KRT222: variants seen among roughly 807,000 people sequenced by gnomAD.
KRT222 encodes the protein keratin 222.
A neutral mutation model predicts 35.0 loss-of-function variants in KRT222; 23 were observed. The ratio of observed to expected loss-of-function variants is 0.66; its 90% confidence interval spans 0.47 to 0.93. The LOEUF is 0.93. Among genes scored for constraint, KRT222 ranks in the 40% least tolerant of loss-of-function variants. The pLI is 0.00. For synonymous variants in KRT222, 108 were observed against 118.8 expected, an observed-to-expected ratio of 0.91 and a Z score of 0.59; for missense variants, 339 against 346.3, an observed-to-expected ratio of 0.98 and a Z score of 0.17.
intron 3 of KRT222, among the ~76,000 whole-genome samples, chr17:40,659,598 A>T (rs1597757318): frequency 6.6e-6 from 1 of 151,674 alleles, no homozygotes; most frequent in South Asian, 2.1e-4. Flanking sequence ...GAATTTTAAA[A>T]TTTTTTGTAC....
rs939435092 is a variant in KRT222 at position 40,656,307 on chromosome 17, T to C, written c.*95A>G. On this transcript the variant is annotated 3_prime_UTR_variant, in exon 6 of 6. Transcript: ENST00000394052. The stretch of plus-strand genomic sequence containing the variant: ...TATTGATCATAACATTTTCCATACA[T>C]ACGTAATAACTTACATTTTGGGACA... The C allele has an allele frequency of 2.5e-6, 2 of 784,416 alleles. No homozygotes were observed. Among genetic ancestry groups the C allele is most frequent in the African/African-American group, 3.4e-5 (2 of 58,426 alleles). The allele number at this position is 784,416 out of a possible 1,614,324, so 48.6% of individuals were successfully genotyped here. A position where few individuals can be genotyped will look rare whatever the true frequency, so the allele number is the denominator to read the frequency against.
Position 40,660,153 on chromosome 17 carries a change from G to A in KRT222, c.280C>T (p.Leu94=). ...TCAATCACAGTCTCTAGGTCTTGCAGCTGCATCTGGTAATGCTGCTCGCTG... is the reference window on the plus strand; with the variant it reads ...TCAATCACAGTCTCTAGGTCTTGCAACTGCATCTGGTAATGCTGCTCGCTG... ...HASEQHYQMQ[L]QDLETVIEGL... The change falls in exon 3 of 6, where the codon CTG becomes TTG. Residue 94 remains leucine, a synonymous_variant. Transcript: ENST00000394052. 1 of 1,614,094 alleles carries A rather than the reference G, an allele frequency of 6.2e-7. No homozygotes were observed. The highest frequency in any genetic ancestry group is 8.5e-7 in the Non-Finnish European group (1 of 1,180,014).
rs1278731295 is a variant in KRT222 at position 40,660,007 on chromosome 17, G to C, written c.426C>G (p.Leu142=). Residue 142 remains leucine, a synonymous_variant, in exon 3 of 6, where the codon CTC becomes CTG. Transcript: ENST00000394052. ...LEQEIATYRH[L]LEKEEIRYYG... ...GGTACCTGATTTCTTCTTTTTCTAG[G>C]AGGTGGCGATAAGTTGCTATTTCTT... The C allele has an allele frequency of 1.2e-6, 2 of 1,613,902 alleles. No homozygotes were observed. Among genetic ancestry groups the C allele is most frequent in the Non-Finnish European group, 1.7e-6 (2 of 1,179,996 alleles).
Position 40,660,739 on chromosome 17 carries a change from C to T in KRT222, c.226-532G>A, listed in dbSNP as rs148714759. Among the ~76,000 whole-genome samples the T allele has an allele frequency of 6.0e-3, 761 of 126,582 alleles. 2 individuals are homozygous for T. Among genetic ancestry groups the T allele is most frequent in the African/African-American group, 0.024 (728 of 30,964 alleles). 83.0% of individuals were successfully genotyped at this position (126,582 alleles called of 152,430 possible). A position where few individuals can be genotyped will look rare whatever the true frequency, so the allele number is the denominator to read the frequency against. The stretch of plus-strand genomic sequence containing the variant: ...AGATCTTACTCTATTTCAAAGACAT[C>T]CTGTGATAATTCTTACTGAAAAAAA... On this transcript the variant is annotated intron_variant, in intron 2 of 5. Transcript: ENST00000394052.
intron 1 of KRT222, chr17:40,664,792 TC>T: frequency 1.4e-6 from 1 of 721,578 alleles, no homozygotes; most frequent in Non-Finnish European, 2.1e-6. Flanking sequence ...ATCAAATGCA[TC>T]AATCAACACT....
At chr17:40,662,235 C>T (rs187124121) in intron 1 of KRT222, 191 bp from the exon 2 acceptor site, 18 of 541,760 alleles carry the variant, frequency 3.3e-5, no homozygotes, top group East Asian at 1.3e-4. Context: ...GTTCTTAGCC[C>T]GTTTTCTCCT....
chr17:40,663,990 T>A (rs1208632764), intron 1 of KRT222, among the ~76,000 whole-genome samples: 1 of 152,198 alleles, frequency 6.6e-6, no homozygotes, highest in Non-Finnish European at 1.5e-5. Flanking sequence ...TCATTCTTTA[T>A]GAAGGCTGAA....
intron 2 of KRT222, 77 bp from the exon 3 acceptor site, chr17:40,660,284 C>CTTTTTTT (rs35466162): frequency 2.4e-6 from 2 of 833,468 alleles, no homozygotes; most frequent in Non-Finnish European, 1.8e-6. Flanking sequence ...ATATCTTCAT[C>CTTTTTTT]TTTTTTTTTT....
Position 40,665,169 on chromosome 17 carries a change from G to A in KRT222, c.-70C>T, listed in dbSNP as rs1023695953. 7.0e-7 allele frequency: 1 copy of A among 1,435,276 alleles called. No individual in the cohort carries two copies. The highest frequency in any genetic ancestry group is 9.8e-7 in the Non-Finnish European group (1 of 1,022,412). The allele number at this position is 1,435,276 out of a possible 1,614,324, so 88.9% of individuals were successfully genotyped here. ...GATGAGTCGCTGCGGCAGTCTGCTCGGTCTGCGCGGAAGGCAGGGAGCCTC... is the reference window on the plus strand; with the variant it reads ...GATGAGTCGCTGCGGCAGTCTGCTCAGTCTGCGCGGAAGGCAGGGAGCCTC... On this transcript the variant is annotated 5_prime_UTR_variant, in exon 1 of 6. Coordinates refer to ENST00000394052, the MANE Select transcript of KRT222 (RefSeq NM_152349.3).
rs1218506926 is a variant in KRT222 at position 40,656,281 on chromosome 17, A to AAATGT, written c.*120_*121insACATT. 124 of 664,008 alleles carry AAATGT rather than the reference A, an allele frequency of 1.9e-4. No individual in the cohort carries two copies. The highest frequency in any genetic ancestry group is 1.7e-4 in the Non-Finnish European group (64 of 374,012). The allele number at this position is 664,008 out of a possible 1,614,324, so 41.1% of individuals were successfully genotyped here. A position where few individuals can be genotyped will look rare whatever the true frequency, so the allele number is the denominator to read the frequency against. On this transcript the variant is annotated 3_prime_UTR_variant, in exon 6 of 6. Transcript: ENST00000394052. The stretch of plus-strand genomic sequence containing the variant: ...GTTTTTTTCTTCTGAAGAGAACCAC[A>AAATGT]TATTGATCATAACATTTTCCATACA...
chr17:40,656,249 C>T lies in KRT222; in HGVS notation c.*153G>A. 2 of 573,066 alleles carry T rather than the reference C, an allele frequency of 3.5e-6. No homozygotes were observed. The highest frequency in any genetic ancestry group is 2.4e-5 in the South Asian group (1 of 40,848). 35.5% of individuals were successfully genotyped at this position (573,066 alleles called of 1,614,324 possible). ...CCATAATTAGATTCAGAGAAATGTC[C>T]TTTATTGTTTTTTTCTTCTGAAGAG... On this transcript the variant is annotated 3_prime_UTR_variant, in exon 6 of 6. Coordinates refer to ENST00000394052, the MANE Select transcript of KRT222 (RefSeq NM_152349.3).
intron 2 of KRT222, among the ~76,000 whole-genome samples, chr17:40,660,782 T>C (rs1403152706): frequency 1.3e-5 from 2 of 151,798 alleles, no homozygotes; most frequent in Non-Finnish European, 2.9e-5. Flanking sequence ...TGCAGTGTGA[T>C]TAACTTATTA....
At chr17:40,659,232 T>C (rs1259201169) in intron 3 of KRT222, among the ~76,000 whole-genome samples, 5 of 151,500 alleles carry the variant, frequency 3.3e-5, no homozygotes, top group Non-Finnish European at 5.9e-5. Context: ...CTCGGCTCAC[T>C]GCAACCTGCC....
intron 3 of KRT222, among the ~76,000 whole-genome samples, chr17:40,658,336 T>G (rs2037359372): frequency 6.6e-6 from 1 of 152,156 alleles, no homozygotes; most frequent in Admixed American, 6.6e-5. Flanking sequence ...ACCATTCATT[T>G]TATTTAACAA....
rs2037334388 is a variant in KRT222, at chr17:40,655,017, T to C, written c.*1385A>G. 9.2e-6 allele frequency: 1 copy of C among 108,138 alleles called. No individual in the cohort carries two copies. Among genetic ancestry groups the C allele is most frequent in the African/African-American group, 3.9e-5 (1 of 25,370 alleles). The allele number at this position is 108,138 out of a possible 1,614,324, so 6.7% of individuals were successfully genotyped here. On this transcript the variant is annotated 3_prime_UTR_variant, in exon 6 of 6. Coordinates refer to ENST00000394052, the MANE Select transcript of KRT222 (RefSeq NM_152349.3). ...TTTTCCTGGTTAAAACATACATTTT[T>C]CTGGTTGAAATATATATATACATAT... is the stretch of plus-strand genomic sequence containing the variant.
intron 2 of KRT222, among the ~76,000 whole-genome samples, chr17:40,660,571 G>A (rs1186671406): frequency 6.6e-6 from 1 of 152,018 alleles, no homozygotes; most frequent in Admixed American, 6.6e-5. Flanking sequence ...GAGCCACCGC[G>A]CCTGGCTGTC....
rs766090937 is a variant in KRT222 at position 40,657,391 on chromosome 17, C to T, written c.620G>A (p.Ser207Asn). ...AGCTTCAGTGCTCTCCTTAACGATA[C>T]TCCCATTTAAGATTGCCTGTTTGGT... ...TVTKQAILNG[S>N]IVKESTEAHG... Residue 207 changes from serine to asparagine, a missense_variant, in exon 5 of 6, where the codon AGT becomes AAT. Ser to Asn is a conservative substitution (Grantham distance 46, BLOSUM62 1). Coordinates refer to ENST00000394052, the MANE Select transcript of KRT222 (RefSeq NM_152349.3). The T allele has an allele frequency of 1.9e-6, 3 of 1,610,534 alleles. No individual in the cohort carries two copies. The highest frequency in any genetic ancestry group is 4.5e-5 in the East Asian group (2 of 44,728).
intron 1 of KRT222, among the ~76,000 whole-genome samples, chr17:40,662,735 A>G (rs999447800): frequency 1.3e-5 from 2 of 152,232 alleles, no homozygotes; most frequent in Non-Finnish European, 2.9e-5. Context: ...CTATTAAAAA[A>G]GTAGAATATT....
rs538621153 is a variant in KRT222 at position 40,657,215 on chromosome 17, A to C, written c.659+137T>G. 11 of 710,086 alleles carry C rather than the reference A, an allele frequency of 1.5e-5. No individual in the cohort carries two copies. In the South Asian group the frequency reaches 4.1e-4, roughly 27 times the overall value. The allele number at this position is 710,086 out of a possible 1,614,324, so 44.0% of individuals were successfully genotyped here. ...GACAGAGCAAGACTCAATCTCAAAAAAAAAAAAAAAAATCACAGTATACTA... is the reference window on the plus strand; with the variant it reads ...GACAGAGCAAGACTCAATCTCAAAACAAAAAAAAAAAATCACAGTATACTA... On this transcript the variant is annotated intron_variant, in intron 5 of 5. Transcript: ENST00000394052.
Sources: allele counts gnomAD v4.1 joint callset (sites outside exome capture counted in the v4.1 genomes callset), GRCh38; gene constraint gnomAD v4.1.1; transcripts MANE v1.5; gene names NCBI Gene and HGNC (gene_info 2026-07-23, HGNC 2026-07-21).